POLE: variants seen among roughly 807,000 people sequenced by gnomAD.
The protein encoded by POLE is DNA polymerase epsilon, catalytic subunit, also known as DNA polymerase epsilon catalytic subunit A.
Under a neutral mutation model 279.2 loss-of-function variants are expected in POLE, and 188 were observed. That is an observed-to-expected ratio of 0.67 (90% CI 0.60 to 0.76). The LOEUF (loss-of-function observed/expected upper bound fraction) is 0.76. Among genes scored for constraint, POLE ranks in the 30% least tolerant of loss-of-function variants. POLE has a pLI of 0.00. For synonymous variants in POLE, 1,214 were observed against 1,172.5 expected, an observed-to-expected ratio of 1.04 and a Z score of -0.72; for missense variants, 2,703 against 3,016.7, an observed-to-expected ratio of 0.90 and a Z score of 2.44.
chr12:132,626,564 A>AT (rs1427822846), intron 45 of POLE, among the ~76,000 whole-genome samples: 1 of 152,178 alleles, frequency 6.6e-6, no homozygotes, highest in Non-Finnish European at 1.5e-5. Flanking sequence ...GTATCTTTCA[A>AT]AACACTGAAG....
intron 16 of POLE, among the ~76,000 whole-genome samples, chr12:132,669,964 C>T (rs531235609): frequency 1.2e-4 from 18 of 152,098 alleles, no homozygotes; most frequent in Admixed American, 5.9e-4. Context: ...GCCTGGCGTC[C>T]TCACATCTAC....
Position 132,661,300 on chromosome 12 carries a change from T to C in POLE, c.2865-136A>G. Reference sequence around the variant, plus strand: ...ATCCACGAGGCAGCAAACGTCTCTCTCCCTTAGGCCACTGCTTCTCTAAAA... The same window carrying C: ...ATCCACGAGGCAGCAAACGTCTCTCCCCCTTAGGCCACTGCTTCTCTAAAA... On this transcript the variant is annotated intron_variant, in intron 24 of 48. Coordinates refer to ENST00000320574, the MANE Select transcript of POLE (RefSeq NM_006231.4). The surrounding 1 kb of genome is among the most constrained non-coding windows in gnomAD (Gnocchi z 4.1). 3 of 977,568 alleles carry C rather than the reference T, an allele frequency of 3.1e-6. No homozygotes were observed. Among genetic ancestry groups the C allele is most frequent in the Non-Finnish European group, 4.5e-6 (3 of 659,838 alleles). The allele number at this position is 977,568 out of a possible 1,614,324, so 60.6% of individuals were successfully genotyped here.
chr12:132,625,663 G>C lies in POLE; in HGVS notation c.6639C>G (p.Ala2213=), dbSNP rs1060504064. ...GACTCACCAGGTCCTGCAGGGTGAA[G>C]GCCATCAGCTTCTTCTGTAGAACTT... ...LVEVLQKKLM[A]FTLQDLVCLK... The change falls in exon 47 of 49, where the codon GCC becomes GCG. Residue 2213 remains alanine, a synonymous_variant. Coordinates refer to ENST00000320574, the MANE Select transcript of POLE (RefSeq NM_006231.4). The C allele has an allele frequency of 5.6e-6, 9 of 1,613,750 alleles. No homozygotes were observed. The highest frequency in any genetic ancestry group is 3.3e-5 in the Admixed American group (2 of 60,036).
chr12:132,668,632 C>A lies in POLE; in HGVS notation c.2026+3G>T, dbSNP rs749631362. 1 of 1,609,678 alleles carries A rather than the reference C, an allele frequency of 6.2e-7. No homozygotes were observed. Among genetic ancestry groups the A allele is most frequent in the Non-Finnish European group, 8.5e-7 (1 of 1,176,322 alleles). On this transcript the variant is annotated splice_donor_region_variant and intron_variant, in intron 18 of 48. Transcript: ENST00000320574. This position sits in a 1 kb window ranked among gnomAD's most constrained non-coding sequence, Gnocchi z 4.0. ...AGTGCCCACCCAGGCGGCCGACACT[C>A]ACTGAACTCGCCCCTCCACTGCCAG...
intron 21 of POLE, 63 bp downstream of exon 21, chr12:132,665,239 C>G (rs1210580613): frequency 6.5e-7 from 1 of 1,530,256 alleles, no homozygotes; most frequent in East Asian, 2.3e-5. Context: ...ACACCTGAAG[C>G]TGCCCTAAAC....
At chr12:132,646,413 C>T (rs1038077139) in intron 32 of POLE, among the ~76,000 whole-genome samples, 2 of 151,830 alleles carry the variant, frequency 1.3e-5, no homozygotes, top group African/African-American at 2.4e-5. Flanking sequence ...ATGTAAATTA[C>T]AGTAAGTCCT....
In POLE at chr12:132,657,913, C is replaced by T. The variant is rs200319525; in HGVS notation, c.3333G>A (p.Arg1111=). 3.1e-6 allele frequency: 5 copies of T among 1,614,150 alleles called. No homozygotes were observed. The African/African-American group carries it at 5.3e-5, about 17-fold the overall frequency. Residue 1111 remains arginine (R), a synonymous_variant, in exon 27 of 49, where the codon CGG becomes CGA. Coordinates refer to ENST00000320574, the MANE Select transcript of POLE (RefSeq NM_006231.4). The part of the protein sequence containing the change: ...AEPTVRKHFL[R]KWLKSSSLQD... ...GAAGGGAAGAGCTCTTGAGCCATTTCCGGAGAAAGTGCTTCCTCACCGTGG... is the reference window on the plus strand; with the variant it reads ...GAAGGGAAGAGCTCTTGAGCCATTTTCGGAGAAAGTGCTTCCTCACCGTGG...
Position 132,664,968 on chromosome 12 carries a change from G to T in POLE, c.2468+334C>A, listed in dbSNP as rs1028201530. ...CCCGGACACGCAGACATGCTGTGAA[G>T]CAACTGCCCGACACTCTGCAAGTCC... On this transcript the variant is annotated intron_variant, in intron 21 of 48. Coordinates refer to ENST00000320574, the MANE Select transcript of POLE (RefSeq NM_006231.4). The surrounding 1 kb of genome is among the most constrained non-coding windows in gnomAD (Gnocchi z 5.3). Among the ~76,000 whole-genome samples the T allele has an allele frequency of 5.3e-5, 8 of 150,224 alleles. No homozygotes were observed. Among genetic ancestry groups the T allele is most frequent in the African/African-American group, 2.0e-4 (8 of 40,878 alleles).
rs372048157 is a variant in POLE at position 132,668,794 on chromosome 12, G to A, written c.1923+17C>T. 1.1e-5 allele frequency: 17 copies of A among 1,613,710 alleles called. 1 individual carries two copies. The highest frequency in any genetic ancestry group is 5.3e-5 in the African/African-American group (4 of 74,922). ...GCAGAGAGAGCTCCGACTCTGACACGGGAAGTAAAGTCTCACCTGCAGGCG... is the reference window on the plus strand; with the variant it reads ...GCAGAGAGAGCTCCGACTCTGACACAGGAAGTAAAGTCTCACCTGCAGGCG... On this transcript the variant is annotated intron_variant, in intron 17 of 48. Transcript: ENST00000320574. This position sits in a 1 kb window ranked among gnomAD's most constrained non-coding sequence, Gnocchi z 4.0.
At chr12:132,671,921 T>G (rs1052502114) in intron 16 of POLE, among the ~76,000 whole-genome samples, 1 of 152,162 alleles carries the variant, frequency 6.6e-6, no homozygotes, top group Non-Finnish European at 1.5e-5. Context: ...CCCCAGTGCC[T>G]ATAAAATAAA....
chr12:132,676,722 C>A (rs113325889), intron 8 of POLE, 69 bp from the exon 9 acceptor site: 3 of 926,180 alleles, frequency 3.2e-6, no homozygotes, highest in African/African-American at 1.6e-5. Flanking sequence ...ACACCCACCC[C>A]CAGCCTGCTC....
At chr12:132,658,555 G>C (rs1221996690) in intron 26 of POLE, 1 of 153,144 alleles carries the variant, frequency 6.5e-6, no homozygotes, top group Non-Finnish European at 1.5e-5. Context: ...AGAAGACTCA[G>C]GCTGCTTTCT....
In POLE at chr12:132,668,704, C is replaced by A. The variant is rs751451482; in HGVS notation, c.1957G>T (p.Ala653Ser). 9 of 1,614,014 alleles carry A rather than the reference C, an allele frequency of 5.6e-6. No homozygotes were observed. In the African/African-American group the frequency reaches 1.1e-4, roughly 19 times the overall value. The change falls in exon 18 of 49, where the codon GCC becomes TCC. Residue 653 changes from alanine (A) to serine (S), a missense_variant. Around this residue, in one of 5 missense-constraint regions of POLE, gnomAD observed 1,011 missense variants for 1,111.7 expected, o/e 0.91. Transcript: ENST00000320574. This position sits in a 1 kb window ranked among gnomAD's most constrained non-coding sequence, Gnocchi z 4.0. The stretch of plus-strand genomic sequence containing the variant: ...GCTCCAGGCTTATTGAAGTCACAGG[C>A]AGCACAGGTGGCTTCGTCCACCATG... ...SAMVDEATCA[A>S]CDFNKPGANC...
rs5744991 is a variant in POLE, at chr12:132,635,899, C to T, written c.5804G>A (p.Cys1935Tyr). 2,764 of 1,612,298 alleles carry T rather than the reference C, an allele frequency of 1.7e-3. 30 individuals carry two copies. The African/African-American group carries it at 0.026, about 15-fold the overall frequency. ...ACACTGCAGCTCGCTTACCAGTCCACAGTGAATACGAGATGAAACTTTTCC... is the reference window on the plus strand; with the variant it reads ...ACACTGCAGCTCGCTTACCAGTCCATAGTGAATACGAGATGAAACTTTTCC... ...IKGKVSSRIH[C>Y]GLQDSQKAGG... The change falls in exon 42 of 49, where the codon TGT (cysteine) becomes TAT (tyrosine). Residue 1935 changes from cysteine to tyrosine, a missense_variant. This residue lies in a region of POLE where 1,551 missense variants were observed against 1,686.1 expected (regional missense o/e 0.92). Coordinates refer to ENST00000320574, the MANE Select transcript of POLE (RefSeq NM_006231.4).
At chr12:132,641,285 C>T (rs1285875535) in intron 39 of POLE, 5 of 379,338 alleles carry the variant, frequency 1.3e-5, no homozygotes, top group South Asian at 4.2e-5. Context: ...AGCAGACCGA[C>T]GGCTCCTGAC....
rs570298177 is a variant in POLE, at chr12:132,648,873, G to T, written c.4149+56C>A. 14 of 1,561,644 alleles carry T rather than the reference G, an allele frequency of 9.0e-6. No homozygotes were observed. In the East Asian group the frequency reaches 9.1e-5, roughly 10 times the overall value. ...GGCTGGAGGCCAGGCTAGATCATGGGAAAGCCACCTCAGGCTGCCCAGATG... is the reference window on the plus strand; with the variant it reads ...GGCTGGAGGCCAGGCTAGATCATGGTAAAGCCACCTCAGGCTGCCCAGATG... On this transcript the variant is annotated intron_variant, in intron 32 of 48. Coordinates refer to ENST00000320574, the MANE Select transcript of POLE (RefSeq NM_006231.4).
chr12:132,638,789 T>C (rs1036882124), intron 40 of POLE: 1 of 276,490 alleles, frequency 3.6e-6, no homozygotes, highest in Non-Finnish European at 7.0e-6. Context: ...AGAGGCTAAA[T>C]GTTCTTTCAT....
chr12:132,674,728 C>G (rs929925223), intron 12 of POLE, among the ~76,000 whole-genome samples: 1 of 152,194 alleles, frequency 6.6e-6, no homozygotes, highest in Non-Finnish European at 1.5e-5. Flanking sequence ...AAGTGCTGAG[C>G]ATCAGAGCTA....
chr12:132,665,316 A>G lies in POLE; in HGVS notation c.2454T>C (p.Tyr818=), dbSNP rs2042768742. The change falls in exon 21 of 49, where the codon TAT becomes TAC. Residue 818 remains tyrosine, a synonymous_variant. Coordinates refer to ENST00000320574, the MANE Select transcript of POLE (RefSeq NM_006231.4). The part of the protein sequence containing the change: ...HKCILNSFYG[Y]VMRKGARWYS... ...GGCCCACCTACCCCTTGCGCATGAC[A>G]TAGCCATAGAAGGAGTTCAGGATGC... 1.2e-6 allele frequency: 2 copies of G among 1,613,730 alleles called. No homozygotes were observed. The highest frequency in any genetic ancestry group is 4.5e-5 in the East Asian group (2 of 44,848).
Sources: allele counts gnomAD v4.1 joint callset (sites outside exome capture counted in the v4.1 genomes callset), GRCh38; gene constraint gnomAD v4.1.1; regional missense constraint gnomAD v4.1.1; non-coding constraint Gnocchi (gnomAD v3.1); transcripts MANE v1.5; gene names NCBI Gene and HGNC (gene_info 2026-07-23, HGNC 2026-07-21).